Variants in MARCHF1 observed in about 807,000 individuals in gnomAD.
MARCHF1 encodes the protein E3 ubiquitin-protein ligase MARCHF1.
In MARCHF1, 40 loss-of-function variants were observed where a neutral mutation model predicts 54.2. The observed-to-expected ratio is 0.74, with a 90% CI of 0.57 to 0.96. The LOEUF (loss-of-function observed/expected upper bound fraction) is 0.96, where lower values mean the gene tolerates loss of function less well. Among genes scored for constraint, MARCHF1 ranks in the 40% least tolerant of loss-of-function variants. MARCHF1 has a pLI of 0.00. For synonymous variants in MARCHF1, 236 were observed against 236.3 expected, an observed-to-expected ratio of 1.00 and a Z score of 0.01; for missense variants, 586 against 656.5, an observed-to-expected ratio of 0.89 and a Z score of 1.17.
intron 4 of MARCHF1, among the ~76,000 whole-genome samples, chr4:163,828,621 A>C (rs1231892166): frequency 6.6e-6 from 1 of 152,224 alleles, no homozygotes; most frequent in Non-Finnish European, 1.5e-5. Context: ...AATAAATATG[A>C]TTTCAAGTTT....
At chr4:164,304,806 G>T (rs950807949) in intron 1 of MARCHF1, among the ~76,000 whole-genome samples, 3 of 152,196 alleles carry the variant, frequency 2.0e-5, no homozygotes, top group Admixed American at 2.0e-4. Flanking sequence ...TAAATACCAG[G>T]GCTGTGTTTT....
chr4:164,305,564 C>T (rs1293748266), intron 1 of MARCHF1, among the ~76,000 whole-genome samples: 1 of 151,974 alleles, frequency 6.6e-6, no homozygotes, highest in East Asian at 1.9e-4. Flanking sequence ...TGTAAGTATT[C>T]TTTTCTTCAA....
chr4:163,673,633 A>G (rs970816243), intron 5 of MARCHF1, among the ~76,000 whole-genome samples: 5 of 152,198 alleles, frequency 3.3e-5, no homozygotes, highest in Admixed American at 6.5e-5. Flanking sequence ...AATAAAGAAG[A>G]AATAAAGCTG....
chr4:163,687,668 T>C (rs1319611744), intron 5 of MARCHF1, among the ~76,000 whole-genome samples: 1 of 152,130 alleles, frequency 6.6e-6, no homozygotes, highest in Admixed American at 6.5e-5. Flanking sequence ...CTTTATGGGT[T>C]TTAGGTATAG....
chr4:164,114,356 A>C (rs1434298918), intron 1 of MARCHF1, among the ~76,000 whole-genome samples: 1 of 151,824 alleles, frequency 6.6e-6, no homozygotes, highest in Non-Finnish European at 1.5e-5. Context: ...TGTAACATTA[A>C]GGTTTTTCTG....
At chr4:164,111,153 G>A (rs989721753) in intron 2 of MARCHF1, among the ~76,000 whole-genome samples, 9 of 151,702 alleles carry the variant, frequency 5.9e-5, no homozygotes, top group African/African-American at 2.2e-4. Flanking sequence ...CCAAGTATTA[G>A]TAACAAGATA....
At chr4:163,961,353 CTCTT>C (rs1488038483) in intron 3 of MARCHF1, among the ~76,000 whole-genome samples, 4 of 151,942 alleles carry the variant, frequency 2.6e-5, no homozygotes, top group African/African-American at 9.7e-5. Context: ...TATGACATTG[CTCTT>C]TCTTATATTT....
rs184446928 is a variant in MARCHF1, at chr4:163,641,840, G to A, written c.163-28447C>T. On this transcript the variant is annotated intron_variant, in intron 5 of 9. Transcript: ENST00000514618. ...CAAAGAAGAAAGTTGGCTTATCTGC[G>A]TTGGAGTTAAATATTAGTCAGACTT... 1.6e-4 allele frequency among the ~76,000 whole-genome samples: 24 copies of A among 152,260 alleles called. No individual in the cohort carries two copies. The East Asian group carries it at 3.3e-3, about 21-fold the overall frequency.
chr4:164,047,482 A>T (rs1754266617), intron 2 of MARCHF1, among the ~76,000 whole-genome samples: 1 of 152,216 alleles, frequency 6.6e-6, no homozygotes, highest in Non-Finnish European at 1.5e-5. Context: ...GGTGTTGTTT[A>T]ATCTATTAAA....
chr4:163,610,984 T>G (rs1226099886), intron 7 of MARCHF1, among the ~76,000 whole-genome samples: 1 of 152,078 alleles, frequency 6.6e-6, no homozygotes, highest in Non-Finnish European at 1.5e-5. Flanking sequence ...CCTTTGAGCC[T>G]TAGCCTGCTT....
At chr4:164,085,351 C>T (rs577794062) in intron 2 of MARCHF1, among the ~76,000 whole-genome samples, 2 of 151,776 alleles carry the variant, frequency 1.3e-5, no homozygotes, top group South Asian at 4.1e-4. Flanking sequence ...AAAGATTTAG[C>T]CCAACTTAAA....
At chr4:164,332,626 A>G (rs1239542848) in intron 1 of MARCHF1, among the ~76,000 whole-genome samples, 1 of 152,068 alleles carries the variant, frequency 6.6e-6, no homozygotes, top group Non-Finnish European at 1.5e-5. Flanking sequence ...TTTCAAATTT[A>G]CTTTAGGGCT....
intron 1 of MARCHF1, among the ~76,000 whole-genome samples, chr4:164,251,574 T>C (rs1733125341): frequency 6.6e-6 from 1 of 152,168 alleles, no homozygotes; most frequent in African/African-American, 2.4e-5. Context: ...TGTAAACGAA[T>C]GCGGTTTTGC....
At chr4:164,356,549 A>G (rs1201560213) in intron 1 of MARCHF1, among the ~76,000 whole-genome samples, 2 of 125,724 alleles carry the variant, frequency 1.6e-5, no homozygotes, top group Non-Finnish European at 3.4e-5. Context: ...TCTCACTCAT[A>G]GGTGGGAATT....
intron 4 of MARCHF1, among the ~76,000 whole-genome samples, chr4:163,721,303 T>C (rs1315320541): frequency 6.6e-6 from 1 of 152,238 alleles, no homozygotes; most frequent in Non-Finnish European, 1.5e-5. Flanking sequence ...GTTTTTGTCT[T>C]TGGTTCTGTT....
chr4:164,184,023 A>G (rs1730901654), intron 1 of MARCHF1, among the ~76,000 whole-genome samples: 1 of 152,178 alleles, frequency 6.6e-6, no homozygotes, highest in East Asian at 1.9e-4. Context: ...TTGGAGTACA[A>G]TCTTCAAAGT....
rs1578919324 is a variant in MARCHF1, at chr4:164,383,870, C to G, written c.-323G>C. The stretch of plus-strand genomic sequence containing the variant: ...ATGAATGATGTTTGCAGTCACTTAC[C>G]GGCGGAGGGTGAAGTAGCTCAGGCG... On this transcript the variant is annotated splice_region_variant and 5_prime_UTR_variant, in exon 1 of 10. Coordinates refer to ENST00000514618, the MANE Select transcript of MARCHF1 (RefSeq NM_001394959.1). 1 of 152,556 alleles carries G rather than the reference C, an allele frequency of 6.6e-6. No individual in the cohort carries two copies. The highest frequency in any genetic ancestry group is 1.9e-4 in the East Asian group (1 of 5,166). 9.5% of individuals were successfully genotyped at this position (152,556 alleles called of 1,614,324 possible).
chr4:163,794,626 C>T (rs993976668), intron 4 of MARCHF1, among the ~76,000 whole-genome samples: 10 of 152,066 alleles, frequency 6.6e-5, no homozygotes, highest in African/African-American at 2.4e-4. Context: ...TGCCTATTTC[C>T]TATATTTTCC....
chr4:163,660,429 G>A (rs926794424), intron 5 of MARCHF1, among the ~76,000 whole-genome samples: 8 of 151,954 alleles, frequency 5.3e-5, no homozygotes, highest in African/African-American at 1.9e-4. Context: ...GGGAGGGAGA[G>A]CATTAGGACA....
Sources: allele counts gnomAD v4.1 joint callset (sites outside exome capture counted in the v4.1 genomes callset), GRCh38; gene constraint gnomAD v4.1.1; transcripts MANE v1.5; gene names NCBI Gene and HGNC (gene_info 2026-07-23, HGNC 2026-07-21).